The following UPF3A variants were observed in gnomAD, a reference collection of about 807,000 sequenced individuals.
UPF3A encodes UPF3A regulator of nonsense mediated mRNA decay, also known as regulator of nonsense transcripts 3A.
Under a neutral mutation model 53.5 loss-of-function variants are expected in UPF3A, and 42 were observed. That is an observed-to-expected ratio of 0.78 (90% CI 0.61 to 1.01). The LOEUF (loss-of-function observed/expected upper bound fraction) is 1.01. UPF3A is among the 50% of genes least tolerant of loss of function. UPF3A has a pLI of 0.00. For missense variants in UPF3A, 575 were observed against 598.0 expected (o/e 0.96, Z 0.40); for synonymous variants, 237 against 225.3 (o/e 1.05, Z -0.47).
At chr13:114,285,614 A>C (rs1413193795) in intron 3 of UPF3A, 1 of 152,306 alleles carries the variant, frequency 6.6e-6, no homozygotes, top group African/African-American at 2.4e-5. Flanking sequence ...GATTCAGCAT[A>C]TAGCAGGTTC....
chr13:114,300,881 G>A (rs2086541872), intron 8 of UPF3A, among the ~76,000 whole-genome samples: 1 of 151,486 alleles, frequency 6.6e-6, no homozygotes. Context: ...CATCATGTTG[G>A]CCAGGCTGCT....
At chr13:114,298,603 G>A (rs1308379781) in intron 7 of UPF3A, among the ~76,000 whole-genome samples, 3 of 152,110 alleles carry the variant, frequency 2.0e-5, no homozygotes, top group Admixed American at 1.3e-4. Flanking sequence ...TATTCATTAC[G>A]TGAACATCTT....
intron 5 of UPF3A, among the ~76,000 whole-genome samples, chr13:114,289,785 G>A (rs1227296827): frequency 2.6e-5 from 4 of 152,132 alleles, no homozygotes; most frequent in South Asian, 2.1e-4. Flanking sequence ...ATGGTTGTGC[G>A]TATTCTGTCT....
rs200402300 is a variant in UPF3A at position 114,282,145 on chromosome 13, G to A, written c.314+18G>A. 836 of 1,538,684 alleles carry A rather than the reference G, an allele frequency of 5.4e-4. 8 individuals carry two copies. The East Asian group carries it at 0.019, about 34-fold the overall frequency. On this transcript the variant is annotated intron_variant, in intron 2 of 9. Coordinates refer to ENST00000375299, the MANE Select transcript of UPF3A (RefSeq NM_023011.4). ...GACCTGAGGTGAGGCCCGCCCCGAG[G>A]GGAGGAAGAGAGGGCGGAACCCAGA...
At chr13:114,293,310 G>A (rs979474219) in intron 7 of UPF3A, among the ~76,000 whole-genome samples, 37 of 151,492 alleles carry the variant, frequency 2.4e-4, no homozygotes, top group African/African-American at 8.7e-4. Context: ...CTTGAACCCA[G>A]GAGGCGGAGG....
Position 114,302,065 on chromosome 13 carries a change from C to T in UPF3A, c.1302+40C>T, listed in dbSNP as rs757076035. On this transcript the variant is annotated intron_variant, in intron 9 of 9. Transcript: ENST00000375299. ...CAAAAAGAAAAATGTGTCTGGCTGT[C>T]TTAAGGTCCAGGCTGCATGCTGACC... The T allele has an allele frequency of 6.0e-6, 9 of 1,490,048 alleles. No homozygotes were observed. In the East Asian group the frequency reaches 9.3e-5, roughly 15 times the overall value. 92.3% of individuals were successfully genotyped at this position (1,490,048 alleles called of 1,614,324 possible). A position where few individuals can be genotyped will look rare whatever the true frequency, so the allele number is the denominator to read the frequency against.
chr13:114,297,458 A>C (rs1038612616), intron 7 of UPF3A, among the ~76,000 whole-genome samples: 4 of 152,218 alleles, frequency 2.6e-5, no homozygotes, highest in Non-Finnish European at 5.9e-5. Flanking sequence ...CTTATTACAA[A>C]ACTAATACTT....
intron 8 of UPF3A, 134 bp from the exon 9 acceptor site, chr13:114,301,597 A>C (rs1010938164): frequency 2.7e-6 from 2 of 733,378 alleles, no homozygotes; most frequent in Non-Finnish European, 4.5e-6. Flanking sequence ...TGCCCATCGC[A>C]GTGCAGCCTC....
chr13:114,285,273 C>CT (rs1279301893), intron 3 of UPF3A: 1 of 145,442 alleles, frequency 6.9e-6, no homozygotes, highest in East Asian at 1.9e-4. Flanking sequence ...TCTGTGCTCT[C>CT]TATTTTATTC....
chr13:114,290,056 C>T (rs2085122139), intron 5 of UPF3A, among the ~76,000 whole-genome samples: 1 of 152,160 alleles, frequency 6.6e-6, no homozygotes, highest in Admixed American at 6.5e-5. Context: ...GACCATTTAC[C>T]TGAGCCAGTG....
chr13:114,286,923 C>T (rs750208635), intron 5 of UPF3A: 1 of 281,844 alleles, frequency 3.5e-6, no homozygotes, highest in Non-Finnish European at 6.7e-6. Flanking sequence ...TCCTGAGCGT[C>T]AGGGAAGGCA....
In UPF3A at chr13:114,281,776, C is replaced by G; in HGVS notation, c.137C>G (p.Pro46Arg). 2 of 1,556,652 alleles carry G rather than the reference C, an allele frequency of 1.3e-6. No homozygotes were observed. The highest frequency in any genetic ancestry group is 1.2e-5 in the South Asian group (1 of 84,392). ...CAGCAGCAGGAGGCTGAGACGCCGC[C>G]AACTTCGTCCTCCGGTTGCGGGGGC... ...DSQQQEAETP[P>R]TSSSGCGGGA... Residue 46 changes from proline to arginine, a missense_variant, in exon 1 of 10, where the codon CCA (proline) becomes CGA (arginine). Pro to Arg is a moderately radical substitution (Grantham distance 103). Transcript: ENST00000375299.
intron 3 of UPF3A, chr13:114,285,270 T>C (rs181289374): frequency 6.9e-6 from 1 of 145,430 alleles, no homozygotes; most frequent in African/African-American, 2.9e-5. Context: ...ATTTCTGTGC[T>C]CTCTATTTTA....
At chr13:114,296,670 C>T (rs2086061006) in intron 7 of UPF3A, among the ~76,000 whole-genome samples, 1 of 152,162 alleles carries the variant, frequency 6.6e-6, no homozygotes, top group African/African-American at 2.4e-5. Context: ...CGGTGACACA[C>T]TGGGACTTGG....
intron 5 of UPF3A, among the ~76,000 whole-genome samples, chr13:114,289,448 C>T (rs1418701525): frequency 1.3e-5 from 2 of 150,156 alleles, no homozygotes; most frequent in Non-Finnish European, 2.9e-5. Flanking sequence ...CGCTTGAACT[C>T]GGCAGGCGGA....
chr13:114,291,609 T>C, intron 6 of UPF3A, 25 bp from the exon 7 acceptor site: 1 of 1,606,670 alleles, frequency 6.2e-7, no homozygotes, highest in East Asian at 2.2e-5. Flanking sequence ...AGGCAGTTTA[T>C]ACACACGCTC....
intron 5 of UPF3A, among the ~76,000 whole-genome samples, chr13:114,290,079 C>T (rs912034795): frequency 3.9e-5 from 6 of 152,148 alleles, no homozygotes; most frequent in African/African-American, 9.7e-5. Context: ...CTGTACTCAC[C>T]CTGAGCCAGA....
At chr13:114,296,059 T>C (rs1418311328) in intron 7 of UPF3A, among the ~76,000 whole-genome samples, 1 of 152,086 alleles carries the variant, frequency 6.6e-6, no homozygotes, top group Non-Finnish European at 1.5e-5. Flanking sequence ...CAGTCACACC[T>C]ACATAATGAA....
chr13:114,284,013 CTT>C, intron 3 of UPF3A: 1 of 985,422 alleles, frequency 1.0e-6, no homozygotes, highest in Non-Finnish European at 1.2e-6. Context: ...TTGAACTGAC[CTT>C]TGTGTTCATT....
Sources: gnomAD v4.1 joint callset for allele counts (sites outside exome capture counted in the v4.1 genomes callset) on GRCh38, gnomAD v4.1.1 for gene constraint, MANE v1.5 for transcripts, NCBI Gene and HGNC (gene_info 2026-07-23, HGNC 2026-07-21) for gene names.